Variants in MAP3K20 observed in about 807,000 individuals in gnomAD.
MAP3K20 encodes the protein mitogen-activated protein kinase kinase kinase 20.
Under a neutral mutation model 85.7 loss-of-function variants are expected in MAP3K20, and 40 were observed. That is an observed-to-expected ratio of 0.47 (90% CI 0.36 to 0.61). The LOEUF is 0.61. MAP3K20 is among the 20% of genes least tolerant of loss of function. The pLI is 0.00. For synonymous variants in MAP3K20, 325 were observed against 327.7 expected (o/e 0.99, Z 0.09); for missense variants, 817 against 961.7 (o/e 0.85, Z 1.99).
Position 173,232,234 on chromosome 2 carries a change from A to G in MAP3K20, c.1063+12A>G, listed in dbSNP as rs375007253. ...GCTCGTCAGAAAAGGCAAGTGGAAT[A>G]AGTTACCTTCTTCAATCATGGAGTT... On this transcript the variant is annotated intron_variant, in intron 13 of 19. Coordinates refer to ENST00000375213, the MANE Select transcript of MAP3K20 (RefSeq NM_016653.3). 91 of 1,614,094 alleles carry G rather than the reference A, an allele frequency of 5.6e-5. No individual in the cohort carries two copies. The Middle Eastern group carries it at 1.3e-3, about 23-fold the overall frequency.
chr2:173,095,283 C>T (rs1049281588), intron 2 of MAP3K20, among the ~76,000 whole-genome samples: 3 of 152,106 alleles, frequency 2.0e-5, no homozygotes, highest in African/African-American at 4.8e-5. Context: ...GTACTAGGCT[C>T]ATCTAGTTCC....
At chr2:173,098,497 C>A (rs7585396) in intron 2 of MAP3K20, among the ~76,000 whole-genome samples, 1 of 152,140 alleles carries the variant, frequency 6.6e-6, no homozygotes, top group African/African-American at 2.4e-5. Flanking sequence ...GTATAAGATA[C>A]AGATGAAACA....
intron 2 of MAP3K20, among the ~76,000 whole-genome samples, chr2:173,169,223 TAAATG>T (rs1223594306): frequency 6.6e-6 from 1 of 152,144 alleles, no homozygotes; most frequent in Non-Finnish European, 1.5e-5. Flanking sequence ...TCACTGTAAA[TAAATG>T]GGGTATCTCT....
chr2:173,182,779 C>A, intron 3 of MAP3K20, 75 bp from the exon 4 acceptor site: 1 of 1,015,108 alleles, frequency 9.9e-7, no homozygotes, highest in South Asian at 2.2e-5. Context: ...TGTATTTTCT[C>A]AATGAAAATA....
chr2:173,125,950 C>T (rs948755374), intron 2 of MAP3K20, among the ~76,000 whole-genome samples: 10 of 152,206 alleles, frequency 6.6e-5, no homozygotes, highest in Admixed American at 5.2e-4. Flanking sequence ...GTGTGAACCA[C>T]TGCGCCTGGC....
chr2:173,078,911 G>C (rs1686938603), intron 1 of MAP3K20, among the ~76,000 whole-genome samples: 1 of 152,216 alleles, frequency 6.6e-6, no homozygotes, highest in African/African-American at 2.4e-5. Context: ...TGTGTCACCT[G>C]TAAGGTAGTT....
chr2:173,229,542 G>C, intron 11 of MAP3K20, 147 bp from the exon 12 acceptor site: 1 of 922,360 alleles, frequency 1.1e-6, no homozygotes, highest in Non-Finnish European at 1.6e-6. Flanking sequence ...TTAAGGTCAG[G>C]AAAACTGTTT....
intron 10 of MAP3K20, chr2:173,210,814 C>G (rs1379607332): frequency 6.6e-6 from 1 of 152,190 alleles, no homozygotes; most frequent in Non-Finnish European, 1.5e-5. Context: ...ACTGCATGCA[C>G]TTTGAAAATT....
At chr2:173,230,327 A>C (rs766075095) in intron 12 of MAP3K20, among the ~76,000 whole-genome samples, 9 of 152,136 alleles carry the variant, frequency 5.9e-5, no homozygotes, top group Non-Finnish European at 1.3e-4. Flanking sequence ...AAAAAAAGTG[A>C]TATTAAATCT....
intron 2 of MAP3K20, among the ~76,000 whole-genome samples, chr2:173,157,308 G>A (rs1689506080): frequency 7.2e-6 from 1 of 138,810 alleles, no homozygotes; most frequent in South Asian, 2.3e-4. Context: ...CTATGTATTA[G>A]TTAGGGTTTG....
At chr2:173,076,947 C>CT (rs1483181443) in intron 1 of MAP3K20, among the ~76,000 whole-genome samples, 1 of 152,250 alleles carries the variant, frequency 6.6e-6, no homozygotes, top group African/African-American at 2.4e-5. Flanking sequence ...AAAGTTATCT[C>CT]TGTTAGATCG....
At chr2:173,104,348 A>T (rs1687724429) in intron 2 of MAP3K20, among the ~76,000 whole-genome samples, 1 of 152,196 alleles carries the variant, frequency 6.6e-6, no homozygotes, top group Non-Finnish European at 1.5e-5. Flanking sequence ...AGGCAAACCA[A>T]AGCTGATGGA....
At chr2:173,126,529 A>G (rs1454644969) in intron 2 of MAP3K20, among the ~76,000 whole-genome samples, 1 of 152,014 alleles carries the variant, frequency 6.6e-6, no homozygotes, top group Admixed American at 6.6e-5. Context: ...ACAGGCATGC[A>G]CCATCACACC....
In MAP3K20 at chr2:173,196,612, C is replaced by T. The variant is rs75850159; in HGVS notation, c.583-1414C>T. The stretch of plus-strand genomic sequence containing the variant: ...CTTCGTATTAGCCAGAATTCATTTA[C>T]TGTGTTATGGTTGAAATGAGACTGA... On this transcript the variant is annotated intron_variant, in intron 7 of 19. Transcript: ENST00000375213. Among the ~76,000 whole-genome samples, 10 of 152,262 alleles carry T rather than the reference C, an allele frequency of 6.6e-5. No individual in the cohort carries two copies. The East Asian group carries it at 1.9e-3, about 29-fold the overall frequency.
intron 16 of MAP3K20, among the ~76,000 whole-genome samples, chr2:173,240,146 CA>C (rs1684748780): frequency 6.6e-6 from 1 of 152,194 alleles, no homozygotes; most frequent in Non-Finnish European, 1.5e-5. Flanking sequence ...CCCCATTTTG[CA>C]AATGAGGAAA....
At chr2:173,262,796 G>A (rs746235478) in intron 18 of MAP3K20, among the ~76,000 whole-genome samples, 2 of 152,126 alleles carry the variant, frequency 1.3e-5, no homozygotes, top group Non-Finnish European at 2.9e-5. Flanking sequence ...AAACAAAAGA[G>A]GCTGGTTGGT....
chr2:173,258,915 T>C (rs1685224308), intron 17 of MAP3K20, 100 bp downstream of exon 17: 2 of 688,018 alleles, frequency 2.9e-6, no homozygotes, highest in African/African-American at 3.6e-5. Context: ...TTGTCCATGC[T>C]CACATCAGCT....
At chr2:173,124,858 C>A (rs1164919417) in intron 2 of MAP3K20, among the ~76,000 whole-genome samples, 1 of 152,158 alleles carries the variant, frequency 6.6e-6, no homozygotes, top group Non-Finnish European at 1.5e-5. Context: ...CATGGTGGCT[C>A]ACACTTGTAA....
chr2:173,232,109 A>G, intron 12 of MAP3K20, 83 bp from the exon 13 acceptor site: 2 of 1,524,338 alleles, frequency 1.3e-6, no homozygotes, highest in Non-Finnish European at 1.8e-6. Flanking sequence ...ATTTTGATCT[A>G]TTGAAAACTC....
Sources: gnomAD v4.1 joint callset for allele counts (sites outside exome capture counted in the v4.1 genomes callset) on GRCh38, gnomAD v4.1.1 for gene constraint, MANE v1.5 for transcripts, NCBI Gene and HGNC (gene_info 2026-07-23, HGNC 2026-07-21) for gene names.